Variants in MAP3K12 observed in about 807,000 individuals in gnomAD.
The protein encoded by MAP3K12 is MAPK-upstream kinase.
In MAP3K12, 14 loss-of-function variants were observed where a neutral mutation model predicts 87.5. The ratio of observed to expected loss-of-function variants is 0.16; its 90% CI spans 0.11 to 0.25. The LOEUF is 0.25. MAP3K12 is among the 10% of genes least tolerant of loss of function. MAP3K12 has a pLI of 1.00. For missense variants in MAP3K12, 802 were observed against 1,140.4 expected (o/e 0.70, Z 4.27); for synonymous variants, 469 against 452.5 (o/e 1.04, Z -0.46).
Position 53,486,979 on chromosome 12 carries a change from G to A in MAP3K12, c.413C>T (p.Ala138Val). The change falls in exon 2 of 14, where the codon GCC (alanine) becomes GTC (valine). Residue 138 changes from alanine to valine, a missense_variant. Transcript: ENST00000547488. This position sits in a 1 kb window ranked among gnomAD's most constrained non-coding sequence, Gnocchi z 4.9. ...CTGCTGCTTGTGCTCAGTGGAGTAG[G>A]CTTTGCCAATCATGGTCCAGACAGG... ...LRPVWTMIGK[A>V]YSTEHKQQQE... 1 of 1,614,112 alleles carries A rather than the reference G, an allele frequency of 6.2e-7. No homozygotes were observed. Among genetic ancestry groups the A allele is most frequent in the Non-Finnish European group, 8.5e-7 (1 of 1,180,002 alleles).
Position 53,485,454 on chromosome 12 carries a change from A to T in MAP3K12, c.843T>A (p.Asp281Glu), listed in dbSNP as rs145448786. The T allele has an allele frequency of 6.2e-7, 1 of 1,614,080 alleles. No homozygotes were observed. Among genetic ancestry groups the T allele is most frequent in the Admixed American group, 1.7e-5 (1 of 60,024 alleles). The change falls in exon 5 of 14, where the codon GAT (aspartate) becomes GAA (glutamate). Residue 281 changes from aspartate to glutamate, a missense_variant. Around this residue, in one of 5 missense-constraint regions of MAP3K12, gnomAD observed 21 missense variants for 136.9 expected, o/e 0.15. Coordinates refer to ENST00000547488, the MANE Select transcript of MAP3K12 (RefSeq NM_001193511.2). ...TGCCAAAATCTGAGATCTTCACCAC[A>T]TCGTCGTAGGTGATTAGCATGCTGG... ...KSPNMLITYD[D>E]VVKISDFGTS...
chr12:53,482,452 G>C, intron 11 of MAP3K12, 83 bp from the exon 12 acceptor site: 3 of 1,605,698 alleles, frequency 1.9e-6, no homozygotes, highest in Admixed American at 1.7e-5. Context: ...ACATAGTTAC[G>C]AAGGGTGAAG....
Position 53,486,385 on chromosome 12 carries a change from G to A in MAP3K12, c.629+54C>T, listed in dbSNP as rs1441597075. ...GGGGTAGGTCCCACTGCCCAGGAGG[G>A]TACCAGGCCTTAGCATAGTATCCCC... On this transcript the variant is annotated intron_variant, in intron 3 of 13. Coordinates refer to ENST00000547488, the MANE Select transcript of MAP3K12 (RefSeq NM_001193511.2). The surrounding 1 kb of genome is among the most constrained non-coding windows in gnomAD (Gnocchi z 4.9). The A allele has an allele frequency of 6.3e-6, 10 of 1,597,312 alleles. No individual in the cohort carries two copies. The highest frequency in any genetic ancestry group is 7.7e-6 in the Non-Finnish European group (9 of 1,169,964).
At chr12:53,491,497 G>A (rs1488218111) in intron 1 of MAP3K12, among the ~76,000 whole-genome samples, 21 of 148,644 alleles carry the variant, frequency 1.4e-4, no homozygotes, top group Admixed American at 1.4e-3. Flanking sequence ...TCAGTGGCAC[G>A]ATCTCCGCTC....
chr12:53,492,639 G>GT (rs1943444638), intron 1 of MAP3K12, among the ~76,000 whole-genome samples: 1 of 152,060 alleles, frequency 6.6e-6, no homozygotes, highest in African/African-American at 2.4e-5. Context: ...GCTTCAAGAG[G>GT]TAAGGTGTAG....
rs138848551 is a variant in MAP3K12, at chr12:53,494,573, T to A, written c.-38+4854A>T. Among the ~76,000 whole-genome samples, 100 of 152,316 alleles carry A rather than the reference T, an allele frequency of 6.6e-4. No individual in the cohort carries two copies. In the East Asian group the frequency reaches 0.019, roughly 28 times the overall value. ...CTGAATTCTCTCTAGCTCCTTCTTG[T>A]ATAACAGCAGAATGTCAATGCTAAG... On this transcript the variant is annotated intron_variant, in intron 1 of 13. Coordinates refer to ENST00000547488, the MANE Select transcript of MAP3K12 (RefSeq NM_001193511.2).
chr12:53,489,262 G>A (rs1461265745), intron 1 of MAP3K12, among the ~76,000 whole-genome samples: 9 of 152,016 alleles, frequency 5.9e-5, no homozygotes, highest in African/African-American at 1.9e-4. Flanking sequence ...CCCAGGTGGC[G>A]GAGGTTGCAG....
intron 1 of MAP3K12, chr12:53,493,027 C>CG (rs1294963301): frequency 6.6e-6 from 1 of 152,318 alleles, no homozygotes; most frequent in Non-Finnish European, 1.5e-5. Context: ...CCTTCCCGGC[C>CG]GTCACGTGGC....
chr12:53,481,651 T>A, intron 13 of MAP3K12: 1 of 387,536 alleles, frequency 2.6e-6, no homozygotes, highest in South Asian at 3.5e-5. Context: ...CCCAGCCAGC[T>A]TACTGGTTTT....
At chr12:53,491,648 T>G (rs1246543687) in intron 1 of MAP3K12, among the ~76,000 whole-genome samples, 1 of 151,680 alleles carries the variant, frequency 6.6e-6, no homozygotes, top group Admixed American at 6.6e-5. Context: ...TTAGCCAGGA[T>G]AGTCTCGATC....
chr12:53,491,478 G>C (rs1479059842), intron 1 of MAP3K12, among the ~76,000 whole-genome samples: 2 of 148,958 alleles, frequency 1.3e-5, no homozygotes, highest in Non-Finnish European at 3.0e-5. Flanking sequence ...CTGTCACCCA[G>C]GCTGGAGCTC....
chr12:53,495,713 C>T (rs1943535815), intron 1 of MAP3K12, among the ~76,000 whole-genome samples: 2 of 151,986 alleles, frequency 1.3e-5, no homozygotes, highest in African/African-American at 4.8e-5. Flanking sequence ...TTCCATTTTT[C>T]AGGATCCGCA....
upstream of MAP3K12, chr12:53,500,361 TGA>T (rs1285291357): frequency 6.6e-6 from 1 of 152,258 alleles, no homozygotes; most frequent in Non-Finnish European, 1.5e-5. Flanking sequence ...TCTCTTCAGC[TGA>T]GAGACCCAAG....
chr12:53,481,845 C>T (rs1943061412), intron 13 of MAP3K12, 96 bp downstream of exon 13: 2 of 1,450,502 alleles, frequency 1.4e-6, no homozygotes, highest in African/African-American at 1.4e-5. Flanking sequence ...TACTTTCTGG[C>T]CTGTGCAGCT....
chr12:53,482,729 C>G lies in MAP3K12; in HGVS notation c.2074G>C (p.Gly692Arg). ...GGAGGTGGTTCCCCTTTGGCTCCCC[C>G]AGGTGAATCTGGGCTGGTGGAGCCA... ...APGSTSPDSP[G>R]GAKGEPPPPV... is the part of the protein sequence containing the mutation. The change falls in exon 11 of 14, where the codon GGG becomes CGG. Residue 692 changes from glycine (G) to arginine (R), a missense_variant. Physicochemically the swap from Gly to Arg is moderately radical, Grantham distance 125. Around this residue, in one of 5 missense-constraint regions of MAP3K12, gnomAD observed 490 missense variants for 496.6 expected, o/e 0.99. Coordinates refer to ENST00000547488, the MANE Select transcript of MAP3K12 (RefSeq NM_001193511.2). 1 of 1,614,076 alleles carries G rather than the reference C, an allele frequency of 6.2e-7. No individual in the cohort carries two copies.
chr12:53,482,009 A>G lies in MAP3K12; in HGVS notation c.2512T>C (p.Ser838Pro). ...GSEIPLDPPP[S>P]EVIPGPEPSS... ...GGTTCAGGGCCAGGGATGACCTCTGAAGGAGGTGGGTCCAGTGGGATTTCT... is the reference window on the plus strand; with the variant it reads ...GGTTCAGGGCCAGGGATGACCTCTGGAGGAGGTGGGTCCAGTGGGATTTCT... Residue 838 changes from serine (S) to proline (P), a missense_variant, in exon 13 of 14, where the codon TCA becomes CCA. Ser to Pro is a moderately conservative substitution (Grantham distance 74, BLOSUM62 -1). Coordinates refer to ENST00000547488, the MANE Select transcript of MAP3K12 (RefSeq NM_001193511.2). The G allele has an allele frequency of 1.2e-6, 2 of 1,614,154 alleles. No homozygotes were observed. Among genetic ancestry groups the G allele is most frequent in the African/African-American group, 2.7e-5 (2 of 75,046 alleles).
chr12:53,487,187 C>T lies in MAP3K12; in HGVS notation c.205G>A (p.Gly69Arg), dbSNP rs1418095197. Residue 69 changes from glycine to arginine, a missense_variant, in exon 2 of 14, where the codon GGA (glycine) becomes AGA (arginine). Physicochemically the swap from Gly to Arg is moderately radical, Grantham distance 125. This residue lies in a region of MAP3K12 where 135 missense variants were observed against 151.6 expected (regional missense o/e 0.89). Coordinates refer to ENST00000547488, the MANE Select transcript of MAP3K12 (RefSeq NM_001193511.2). ...GCAAAAGGCTCAGGGGGCGGCTCTC[C>T]ACCTGGGGAGGGGCTGGGCCCTCCC... ...GGGGPSPSPG[G>R]EPPPEPFANS... The T allele has an allele frequency of 3.1e-6, 5 of 1,613,938 alleles. No individual in the cohort carries two copies. The highest frequency in any genetic ancestry group is 1.3e-5 in the African/African-American group (1 of 74,900).
rs200829600 is a variant in MAP3K12 at position 53,485,109 on chromosome 12, C to T, written c.1086G>A (p.Leu362=). ...CATCTGGGCAACTGGAGGGCACGGGCAGATGGAGACTGTTGCTTCCCACAC... is the reference window on the plus strand; with the variant it reads ...CATCTGGGCAACTGGAGGGCACGGGTAGATGGAGACTGTTGCTTCCCACAC... The part of the protein sequence containing the change: ...IWGVGSNSLH[L]PVPSSCPDGF... Residue 362 remains leucine, a synonymous_variant, in exon 6 of 14, where the codon CTG becomes CTA. Transcript: ENST00000547488. 1 of 1,614,172 alleles carries T rather than the reference C, an allele frequency of 6.2e-7. No homozygotes were observed. Among genetic ancestry groups the T allele is most frequent in the Admixed American group, 1.7e-5 (1 of 60,018 alleles).
upstream of MAP3K12, among the ~76,000 whole-genome samples, chr12:53,499,834 A>G (rs527977411): frequency 3.3e-4 from 51 of 152,278 alleles, no homozygotes; most frequent in African/African-American, 1.2e-3. Context: ...GCGGTGTCCT[A>G]TGGAGGTCCC....
Sources: gnomAD v4.1 joint callset for allele counts (sites outside exome capture counted in the v4.1 genomes callset) on GRCh38, gnomAD v4.1.1 for gene constraint, gnomAD v4.1.1 regional missense constraint, Gnocchi (gnomAD v3.1) non-coding constraint, MANE v1.5 for transcripts, NCBI Gene and HGNC (gene_info 2026-07-23, HGNC 2026-07-21) for gene names.